Variants in GPATCH8 observed in about 807,000 individuals in gnomAD.
The protein encoded by GPATCH8 is G-patch domain containing 8.
A neutral mutation model predicts 118.3 loss-of-function variants in GPATCH8; 18 were observed. The ratio of observed to expected loss-of-function variants is 0.15; its 90% CI spans 0.11 to 0.23. GPATCH8 has a LOEUF of 0.23. GPATCH8 is among the 10% of genes least tolerant of loss of function. GPATCH8 has a pLI of 1.00. For synonymous variants in GPATCH8, 659 were observed against 684.7 expected (o/e 0.96, Z 0.59); for missense variants, 1,631 against 1,873.8 (o/e 0.87, Z 2.39).
chr17:44,426,848 ACT>A (rs71361571), intron 5 of GPATCH8, among the ~76,000 whole-genome samples: 203 of 35,238 alleles, frequency 5.8e-3, no homozygotes, highest in Admixed American at 8.0e-3. Context: ...ACACACACAC[ACT>A]CTCTCTCTCT....
chr17:44,459,271 C>T (rs2051456850), intron 3 of GPATCH8, among the ~76,000 whole-genome samples: 1 of 152,010 alleles, frequency 6.6e-6, no homozygotes, highest in Non-Finnish European at 1.5e-5. Context: ...TCTTGGAAGC[C>T]CTAAGGATGG....
At chr17:44,421,524 C>T (rs1032670770) in intron 6 of GPATCH8, among the ~76,000 whole-genome samples, 2 of 151,762 alleles carry the variant, frequency 1.3e-5, no homozygotes, top group African/African-American at 4.8e-5. Flanking sequence ...CACTACCATG[C>T]CCAGCTAATT....
intron 6 of GPATCH8, among the ~76,000 whole-genome samples, chr17:44,412,171 C>A (rs1473039622): frequency 1.3e-5 from 2 of 152,096 alleles, no homozygotes; most frequent in African/African-American, 2.4e-5. Flanking sequence ...GATCTGCCCA[C>A]CTTGGCCTCC....
chr17:44,424,249 GA>G, intron 6 of GPATCH8, 99 bp downstream of exon 6: 1 of 848,708 alleles, frequency 1.2e-6, no homozygotes, highest in South Asian at 1.4e-5. Context: ...GCAGACACAA[GA>G]AATCATAGAC....
chr17:44,492,173 C>CT (rs1222247163), intron 1 of GPATCH8, among the ~76,000 whole-genome samples: 2 of 151,344 alleles, frequency 1.3e-5, no homozygotes, highest in African/African-American at 2.4e-5. Context: ...TGGTGGCGGG[C>CT]ACCTGTAGTC....
chr17:44,477,683 A>G (rs1177141460), intron 1 of GPATCH8, among the ~76,000 whole-genome samples: 1 of 152,140 alleles, frequency 6.6e-6, no homozygotes, highest in African/African-American at 2.4e-5. Context: ...AGCAAGGGAC[A>G]GGAGGAGTAT....
intron 5 of GPATCH8, among the ~76,000 whole-genome samples, chr17:44,428,044 G>A (rs970044355): frequency 6.6e-6 from 1 of 152,168 alleles, no homozygotes; most frequent in Non-Finnish European, 1.5e-5. Flanking sequence ...CACTTTGGGA[G>A]GCCGAGGCAG....
intron 6 of GPATCH8, among the ~76,000 whole-genome samples, chr17:44,420,884 G>A (rs1265361243): frequency 6.6e-6 from 1 of 151,924 alleles, no homozygotes; most frequent in Admixed American, 6.6e-5. Flanking sequence ...TTTTGAGATG[G>A]AGTCTTGCTC....
At chr17:44,409,521 T>C (rs1012045382) in intron 6 of GPATCH8, among the ~76,000 whole-genome samples, 6 of 152,232 alleles carry the variant, frequency 3.9e-5, no homozygotes, top group Admixed American at 1.3e-4. Flanking sequence ...TGGTGCTTTG[T>C]CATACTGCTC....
rs575073277 is a variant in GPATCH8 at position 44,402,704 on chromosome 17, C to G, written c.624-1251G>C. Among the ~76,000 whole-genome samples, 3 of 152,286 alleles carry G rather than the reference C, an allele frequency of 2.0e-5. No individual in the cohort carries two copies. The East Asian group carries it at 5.8e-4, about 29-fold the overall frequency. On this transcript the variant is annotated intron_variant, in intron 7 of 7. Transcript: ENST00000591680. ...TATTCTGAGTTAAACATAGAAACTT[C>G]CACTGTGCTACTTATGGCAGTCTGT...
At chr17:44,408,864 T>C (rs1238770403) in intron 6 of GPATCH8, among the ~76,000 whole-genome samples, 1 of 152,162 alleles carries the variant, frequency 6.6e-6, no homozygotes, top group African/African-American at 2.4e-5. Context: ...ATCCTAAGAA[T>C]ACCCTATAAG....
In GPATCH8 at chr17:44,401,497, G is replaced by A. The variant is rs115893984; in HGVS notation, c.624-44C>T. ...AAATAAAAAACAAAAAGCAGGTTTA[G>A]GAGTACATTTCATAAACCTTATAAA... On this transcript the variant is annotated intron_variant, in intron 7 of 7. Coordinates refer to ENST00000591680, the MANE Select transcript of GPATCH8 (RefSeq NM_001002909.4). 2.6e-4 allele frequency: 318 copies of A among 1,220,820 alleles called. No individual in the cohort carries two copies. The African/African-American group carries it at 4.4e-3, about 17-fold the overall frequency. The allele number at this position is 1,220,820 out of a possible 1,614,324, so 75.6% of individuals were successfully genotyped here.
rs1239637709 is a variant in GPATCH8, at chr17:44,399,339, T to A, written c.2738A>T (p.Asp913Val). 1 of 1,614,074 alleles carries A rather than the reference T, an allele frequency of 6.2e-7. No individual in the cohort carries two copies. Among genetic ancestry groups the A allele is most frequent in the Non-Finnish European group, 8.5e-7 (1 of 1,179,934 alleles). The change falls in exon 8 of 8, where the codon GAC becomes GTC. Residue 913 changes from aspartate to valine, a missense_variant. Asp to Val is a radical substitution (Grantham distance 152). Around this residue, in one of 8 missense-constraint regions of GPATCH8, gnomAD observed 922 missense variants for 879.7 expected, o/e 1.05. Coordinates refer to ENST00000591680, the MANE Select transcript of GPATCH8 (RefSeq NM_001002909.4). ...RHSKRSHDSD[D>V]SDYASSKHRS... is the part of the protein sequence containing the mutation. ...GTGTTTGGAGCTGGCATAGTCTGAG[T>A]CATCTGAGTCATGGGAGCGCTTGGA...
intron 1 of GPATCH8, among the ~76,000 whole-genome samples, chr17:44,497,184 C>A (rs990645143): frequency 1.3e-5 from 2 of 152,144 alleles, no homozygotes; most frequent in African/African-American, 4.8e-5. Flanking sequence ...AGCTAGAAAC[C>A]ATTTTCATTA....
rs566597232 is a variant in GPATCH8, at chr17:44,403,989, C to T, written c.623+1932G>A. On this transcript the variant is annotated intron_variant, in intron 7 of 7. Transcript: ENST00000591680. ...GATTACAGGCGTGAGCCACCGTGCCCGGCCAATGTGTAATCTCTTGCTATC... is the reference window on the plus strand; with the variant it reads ...GATTACAGGCGTGAGCCACCGTGCCTGGCCAATGTGTAATCTCTTGCTATC... 8.0e-4 allele frequency among the ~76,000 whole-genome samples: 122 copies of T among 152,284 alleles called. 2 individuals are homozygous for T. In the South Asian group the frequency reaches 0.024, roughly 30 times the overall value.
At chr17:44,463,066 T>TTTAA (rs201400110) in intron 3 of GPATCH8, among the ~76,000 whole-genome samples, 2 of 152,102 alleles carry the variant, frequency 1.3e-5, no homozygotes, top group Non-Finnish European at 2.9e-5. Flanking sequence ...TTTCTCTCTT[T>TTTAA]TTAATTAATT....
At chr17:44,493,563 C>T (rs1969445264) in intron 1 of GPATCH8, among the ~76,000 whole-genome samples, 3 of 152,202 alleles carry the variant, frequency 2.0e-5, no homozygotes, top group South Asian at 4.1e-4. Context: ...TGAAGAGAGG[C>T]CAATCTATAT....
At chr17:44,409,714 C>CT in intron 6 of GPATCH8, among the ~76,000 whole-genome samples, 1 of 152,328 alleles carries the variant, frequency 6.6e-6, no homozygotes, top group African/African-American at 2.4e-5. Context: ...ACAGGGCTAT[C>CT]TATCTACAGA....
intron 3 of GPATCH8, among the ~76,000 whole-genome samples, chr17:44,446,343 G>T (rs2050880387): frequency 6.6e-6 from 1 of 152,118 alleles, no homozygotes. Flanking sequence ...GAGGCGGGCA[G>T]ATCACGAGGT....
Sources: allele counts gnomAD v4.1 joint callset (sites outside exome capture counted in the v4.1 genomes callset), GRCh38; gene constraint gnomAD v4.1.1; regional missense constraint gnomAD v4.1.1; transcripts MANE v1.5; gene names NCBI Gene and HGNC (gene_info 2026-07-23, HGNC 2026-07-21).